NXNL1: variants seen among roughly 807,000 people sequenced by gnomAD.
NXNL1 encodes the protein nucleoredoxin like 1.
In NXNL1, 6 loss-of-function variants were observed where a neutral mutation model predicts 7.2. That is an observed-to-expected ratio of 0.83 (90% CI 0.46 to 1.64). NXNL1 has a LOEUF of 1.64. Ranked by LOEUF, NXNL1 falls within the 40% of genes most tolerant of loss-of-function variation. The probability of loss-of-function intolerance (pLI) is 0.01; values close to 1 mark genes in which losing one functional copy is unlikely to be tolerated. For missense variants in NXNL1, 308 were observed against 285.1 expected (o/e 1.08, Z -0.58); for synonymous variants, 133 against 127.2 (o/e 1.05, Z -0.31).
Position 17,460,809 on chromosome 19 carries a change from C to A in NXNL1, c.61G>T (p.Asp21Tyr), listed in dbSNP as rs1180083745. The A allele has an allele frequency of 6.2e-7, 1 of 1,613,744 alleles. No homozygotes were observed. The highest frequency in any genetic ancestry group is 1.3e-5 in the African/African-American group (1 of 74,932). The change falls in exon 1 of 2, where the codon GAT becomes TAT. Residue 21 changes from aspartate to tyrosine, a missense_variant. Coordinates refer to ENST00000301944, the MANE Select transcript of NXNL1 (RefSeq NM_138454.2). The stretch of plus-strand genomic sequence containing the variant: ...CTGCGACTGACCTCAGCCTCCGTAT[C>A]CAGCTCGTCCTGGTCGCTATTGTTG... The part of the protein sequence containing the change: ...IRNNSDQDEL[D>Y]TEAEVSRRLE...
chr19:17,460,327 G>A (rs2075007733), intron 1 of NXNL1, among the ~76,000 whole-genome samples: 1 of 151,868 alleles, frequency 6.6e-6, no homozygotes, highest in Non-Finnish European at 1.5e-5. Flanking sequence ...TTACATAGTT[G>A]ATTCTGTCTT....
At chr19:17,459,213 G>A (rs925861995) in intron 1 of NXNL1, among the ~76,000 whole-genome samples, 2 of 152,120 alleles carry the variant, frequency 1.3e-5, no homozygotes, top group South Asian at 2.1e-4. Flanking sequence ...TGACAAATGC[G>A]TGGGCAGTAA....
Position 17,460,461 on chromosome 19 carries a change from C to T in NXNL1, c.326+83G>A, listed in dbSNP as rs1026211340. 7.0e-6 allele frequency: 10 copies of T among 1,425,664 alleles called. No homozygotes were observed. The African/African-American group carries it at 1.4e-4, about 20-fold the overall frequency. 88.3% of individuals were successfully genotyped at this position (1,425,664 alleles called of 1,614,324 possible). A position where few individuals can be genotyped will look rare whatever the true frequency, so the allele number is the denominator to read the frequency against. Reference sequence around the variant, plus strand: ...TATATGGACTGGCACACAGGGGCTGCTCATTCACTCTAGTTAGAATGGATG... The same window carrying T: ...TATATGGACTGGCACACAGGGGCTGTTCATTCACTCTAGTTAGAATGGATG... On this transcript the variant is annotated intron_variant, in intron 1 of 1. Coordinates refer to ENST00000301944, the MANE Select transcript of NXNL1 (RefSeq NM_138454.2).
chr19:17,458,072 G>C (rs938225893), intron 1 of NXNL1, among the ~76,000 whole-genome samples: 2 of 152,246 alleles, frequency 1.3e-5, no homozygotes, highest in African/African-American at 4.8e-5. Context: ...TGTAGACAAA[G>C]TGTATATGTG....
chr19:17,458,220 C>CTTTTTTTTTTTTTTTTTTTTTTT (rs756873224), intron 1 of NXNL1, among the ~76,000 whole-genome samples: 10 of 122,180 alleles, frequency 8.2e-5, no homozygotes, highest in East Asian at 2.3e-4. Flanking sequence ...TTCTTTCTTT[C>CTTTTTTTTTTTTTTTTTTTTTTT]TTTTTTTTTT....
In NXNL1 at chr19:17,455,714, G is replaced by A; in HGVS notation, c.572C>T (p.Ala191Val). The change falls in exon 2 of 2, where the codon GCG (alanine) becomes GTG (valine). Residue 191 changes from alanine (A) to valine (V), a missense_variant. Coordinates refer to ENST00000301944, the MANE Select transcript of NXNL1 (RefSeq NM_138454.2). ...CCCGGGGTCGCGCCCGCCTCGCGCC[G>A]CCTTTTCCACGCGGTACTTGTGGCG... ...LRRHKYRVEKAARGGRDPGGG... is the reference protein window; with the variant it reads ...LRRHKYRVEKVARGGRDPGGG... 2 of 1,008,154 alleles carry A rather than the reference G, an allele frequency of 2.0e-6. No homozygotes were observed. The highest frequency in any genetic ancestry group is 1.1e-4 in the East Asian group (1 of 9,108). 62.5% of individuals were successfully genotyped at this position (1,008,154 alleles called of 1,614,324 possible). A position where few individuals can be genotyped will look rare whatever the true frequency, so the allele number is the denominator to read the frequency against.
chr19:17,459,362 C>A (rs1326064378), intron 1 of NXNL1, among the ~76,000 whole-genome samples: 2 of 152,094 alleles, frequency 1.3e-5, no homozygotes, highest in African/African-American at 4.8e-5. Flanking sequence ...CTCCATCCTC[C>A]TATCTTTCTT....
chr19:17,459,610 G>T (rs905462772), intron 1 of NXNL1, among the ~76,000 whole-genome samples: 11 of 152,038 alleles, frequency 7.2e-5, no homozygotes, highest in Admixed American at 3.9e-4. Flanking sequence ...TAGAGACAGG[G>T]TTTTGCCATA....
In NXNL1 at chr19:17,460,799, G is replaced by T. The variant is rs778244006; in HGVS notation, c.71C>A (p.Ala24Asp). Residue 24 changes from alanine (A) to aspartate (D), a missense_variant, in exon 1 of 2, where the codon GCT (alanine) becomes GAT (aspartate). Transcript: ENST00000301944. ...GTTCTCCAGCCTGCGACTGACCTCA[G>T]CCTCCGTATCCAGCTCGTCCTGGTC... is the stretch of plus-strand genomic sequence containing the variant. ...NSDQDELDTE[A>D]EVSRRLENRL... The T allele has an allele frequency of 6.2e-7, 1 of 1,613,720 alleles. No individual in the cohort carries two copies. The highest frequency in any genetic ancestry group is 1.3e-5 in the African/African-American group (1 of 74,930).
At position 17,455,501 on chromosome 19, in the gene NXNL1, C is replaced by T. The variant is rs1220363765; in HGVS notation, c.*146G>A. Reference sequence around the variant, plus strand: ...ATTTTCGTAGAGTCAGGGTCTCACTCTCTTGCCCAGGTTGATCTCGAACCT... The same window carrying T: ...ATTTTCGTAGAGTCAGGGTCTCACTTTCTTGCCCAGGTTGATCTCGAACCT... On this transcript the variant is annotated 3_prime_UTR_variant, in exon 2 of 2. Transcript: ENST00000301944. 1 of 610,306 alleles carries T rather than the reference C, an allele frequency of 1.6e-6. No individual in the cohort carries two copies. The highest frequency in any genetic ancestry group is 2.9e-6 in the Non-Finnish European group (1 of 347,482). 37.8% of individuals were successfully genotyped at this position (610,306 alleles called of 1,614,324 possible).
At chr19:17,456,796 T>C (rs2074995044) in intron 1 of NXNL1, among the ~76,000 whole-genome samples, 1 of 151,876 alleles carries the variant, frequency 6.6e-6, no homozygotes, top group Admixed American at 6.6e-5. Flanking sequence ...ATCCCATGAG[T>C]AGATTGCCAG....
intron 1 of NXNL1, among the ~76,000 whole-genome samples, chr19:17,457,538 T>C (rs2074997796): frequency 6.6e-6 from 1 of 151,866 alleles, no homozygotes; most frequent in African/African-American, 2.4e-5. Flanking sequence ...CACCTAATTT[T>C]TTTTTTTAAG....
chr19:17,458,914 ATT>A (rs771693745), intron 1 of NXNL1, among the ~76,000 whole-genome samples: 5 of 151,626 alleles, frequency 3.3e-5, no homozygotes, highest in Non-Finnish European at 7.4e-5. Flanking sequence ...ACCTTTCATA[ATT>A]TTTCTTTTTT....
At chr19:17,457,190 C>T (rs1228017235) in intron 1 of NXNL1, among the ~76,000 whole-genome samples, 1 of 151,790 alleles carries the variant, frequency 6.6e-6, no homozygotes, top group Non-Finnish European at 1.5e-5. Context: ...TTGAGCCCAA[C>T]GGTTTGAGAC....
chr19:17,455,594 GT>G lies in NXNL1; in HGVS notation c.*52del. ...GGGATTACAGGCGTGCGGGGGTGGGGTGGGGGTGGAGGTTCATCAACAAACC... is the reference window on the plus strand; with the variant it reads ...GGGATTACAGGCGTGCGGGGGTGGGGGGGGGTGGAGGTTCATCAACAAACC... On this transcript the variant is annotated 3_prime_UTR_variant, in exon 2 of 2. Coordinates refer to ENST00000301944, the MANE Select transcript of NXNL1 (RefSeq NM_138454.2). 1 of 1,106,662 alleles carries G rather than the reference GT, an allele frequency of 9.0e-7. No homozygotes were observed. The highest frequency in any genetic ancestry group is 1.6e-5 in the African/African-American group (1 of 64,352). The allele number at this position is 1,106,662 out of a possible 1,614,324, so 68.6% of individuals were successfully genotyped here. A position where few individuals can be genotyped will look rare whatever the true frequency, so the allele number is the denominator to read the frequency against.
Position 17,455,908 on chromosome 19 carries a change from G to A in NXNL1, c.378C>T (p.Leu126=), listed in dbSNP as rs375599803. ...GAGTGAGCACGTCCCCGTCCGGCTT[G>A]AGCACCACGACCGCCGGCAGGCGCT... ...SVERLPAVVV[L]KPDGDVLTRD... is the part of the protein sequence containing the mutation. The change falls in exon 2 of 2, where the codon CTC becomes CTT. Residue 126 remains leucine, a synonymous_variant. Coordinates refer to ENST00000301944, the MANE Select transcript of NXNL1 (RefSeq NM_138454.2). 3.1e-6 allele frequency: 5 copies of A among 1,595,472 alleles called. No homozygotes were observed. The South Asian group carries it at 4.4e-5, about 14-fold the overall frequency.
intron 1 of NXNL1, 44 bp downstream of exon 1, chr19:17,460,500 G>A (rs375571388): frequency 4.4e-6 from 7 of 1,585,000 alleles, no homozygotes; most frequent in African/African-American, 1.3e-5. Flanking sequence ...CACTTTCAGC[G>A]AACATGCCCC....
At position 17,455,506 on chromosome 19, in the gene NXNL1, G is replaced by T; in HGVS notation, c.*141C>A. The T allele has an allele frequency of 1.6e-6, 1 of 612,666 alleles. No homozygotes were observed. Among genetic ancestry groups the T allele is most frequent in the Non-Finnish European group, 2.9e-6 (1 of 349,446 alleles). The allele number at this position is 612,666 out of a possible 1,614,324, so 38.0% of individuals were successfully genotyped here. ...CGTAGAGTCAGGGTCTCACTCTCTTGCCCAGGTTGATCTCGAACCTCTGGG... is the reference window on the plus strand; with the variant it reads ...CGTAGAGTCAGGGTCTCACTCTCTTTCCCAGGTTGATCTCGAACCTCTGGG... On this transcript the variant is annotated 3_prime_UTR_variant, in exon 2 of 2. Transcript: ENST00000301944.
At chr19:17,458,596 ATTTT>A (rs34265338) in intron 1 of NXNL1, among the ~76,000 whole-genome samples, 2,257 of 87,882 alleles carry the variant, frequency 0.026, 54 homozygotes, top group African/African-American at 0.094. Context: ...GATCTTTTTA[ATTTT>A]TTTTTTTTTT....
Sources: allele counts gnomAD v4.1 joint callset (sites outside exome capture counted in the v4.1 genomes callset), GRCh38; gene constraint gnomAD v4.1.1; transcripts MANE v1.5; gene names NCBI Gene and HGNC (gene_info 2026-07-23, HGNC 2026-07-21).